NLK: variants seen among roughly 807,000 people sequenced by gnomAD.
NLK encodes nemo like kinase, also known as serine/threonine-protein kinase NLK.
Under a neutral mutation model 59.0 loss-of-function variants are expected in NLK, and 11 were observed. That is an observed-to-expected ratio of 0.19 (90% confidence interval 0.12 to 0.31). The LOEUF is 0.31. Among genes scored for constraint, NLK ranks in the 10% least tolerant of loss-of-function variants. NLK has a pLI of 1.00. For missense variants in NLK, 410 were observed against 661.1 expected, an observed-to-expected ratio of 0.62 and a Z score of 4.16; for synonymous variants, 235 against 235.9, an observed-to-expected ratio of 1.00 and a Z score of 0.03.
chr17:28,142,142 C>T lies in NLK; in HGVS notation c.644+9467C>T, dbSNP rs966161016. On this transcript the variant is annotated intron_variant, in intron 3 of 10. Coordinates refer to ENST00000407008, the MANE Select transcript of NLK (RefSeq NM_016231.5). ...ATGGTTATAGCCTTAGTGAAAAATA[C>T]TCATCTGACAGACCTTATGGACTGT... Among the ~76,000 whole-genome samples, 12 of 152,176 alleles carry T rather than the reference C, an allele frequency of 7.9e-5. 1 individual carries two copies. The highest frequency in any genetic ancestry group is 3.9e-4 in the Admixed American group (6 of 15,270).
intron 7 of NLK, among the ~76,000 whole-genome samples, chr17:28,175,222 G>C (rs879823914): frequency 1.3e-5 from 2 of 151,502 alleles, no homozygotes; most frequent in Non-Finnish European, 2.9e-5. Flanking sequence ...GAGGCAGGCG[G>C]ATCACGAGGT....
chr17:28,081,649 C>T (rs1371811009), intron 1 of NLK, among the ~76,000 whole-genome samples: 3 of 152,180 alleles, frequency 2.0e-5, no homozygotes, highest in Non-Finnish European at 2.9e-5. Flanking sequence ...GTTGTTAACC[C>T]TTCACATGGG....
chr17:28,201,112 C>T (rs1909617720), downstream of NLK, among the ~76,000 whole-genome samples: 1 of 152,210 alleles, frequency 6.6e-6, no homozygotes, highest in Non-Finnish European at 1.5e-5. Context: ...CAGGGTCTCC[C>T]TCTGTCGCCC....
chr17:28,116,590 GTTTTC>G (rs2142811262), intron 1 of NLK, among the ~76,000 whole-genome samples: 1 of 152,206 alleles, frequency 6.6e-6, no homozygotes, highest in Non-Finnish European at 1.5e-5. Flanking sequence ...TCAGAACAAA[GTTTTC>G]TTTTCTGATG....
At chr17:28,191,242 G>A in intron 9 of NLK, 23 bp downstream of exon 9, 1 of 1,570,866 alleles carries the variant, frequency 6.4e-7, no homozygotes, top group Non-Finnish European at 8.6e-7. Context: ...TTTGGCCTTT[G>A]GCCAGGCAAT....
rs534939564 is a variant in NLK, at chr17:28,098,128, C to T, written c.459-24475C>T. On this transcript the variant is annotated intron_variant, in intron 1 of 10. Coordinates refer to ENST00000407008, the MANE Select transcript of NLK (RefSeq NM_016231.5). Reference sequence around the variant, plus strand: ...CTGAGACCCAGATAATATAAACCTACGAAGTGTACACTAGAACCTTCTGTT... The same window carrying T: ...CTGAGACCCAGATAATATAAACCTATGAAGTGTACACTAGAACCTTCTGTT... 1.4e-4 allele frequency among the ~76,000 whole-genome samples: 22 copies of T among 152,234 alleles called. No individual in the cohort carries two copies. The South Asian group carries it at 2.5e-3, about 17-fold the overall frequency.
At chr17:28,190,595 T>C (rs1290587284) in intron 8 of NLK, among the ~76,000 whole-genome samples, 1 of 152,120 alleles carries the variant, frequency 6.6e-6, no homozygotes, top group African/African-American at 2.4e-5. Context: ...AATAAAAATT[T>C]CAAGCAACTT....
intron 1 of NLK, among the ~76,000 whole-genome samples, chr17:28,104,069 T>G (rs1283730344): frequency 6.6e-6 from 1 of 152,250 alleles, no homozygotes. Context: ...GTAGGGATTT[T>G]GAGATGTGGT....
chr17:28,086,500 G>A lies in NLK; in HGVS notation c.459-36103G>A, dbSNP rs186109600. 3.5e-3 allele frequency among the ~76,000 whole-genome samples: 527 copies of A among 152,032 alleles called. 2 individuals are homozygous for A. The highest frequency in any genetic ancestry group is 0.011 in the Admixed American group (166 of 15,254). ...TCTTTGCCTAAGATTAAGAGCTGAT[G>A]TATACTCACCAATGATGTATGAAAA... On this transcript the variant is annotated intron_variant, in intron 1 of 10. Coordinates refer to ENST00000407008, the MANE Select transcript of NLK (RefSeq NM_016231.5).
At chr17:28,141,297 G>T (rs1597705518) in intron 3 of NLK, among the ~76,000 whole-genome samples, 1 of 152,004 alleles carries the variant, frequency 6.6e-6, no homozygotes, top group African/African-American at 2.4e-5. Context: ...TGTTTATTTT[G>T]AATCTTCTCT....
intron 7 of NLK, among the ~76,000 whole-genome samples, chr17:28,173,431 A>C (rs1285512008): frequency 6.6e-6 from 1 of 152,148 alleles, no homozygotes; most frequent in Non-Finnish European, 1.5e-5. Flanking sequence ...TGTCAGCCAG[A>C]CATTTGCAAA....
At chr17:28,139,740 C>T (rs1394522912) in intron 3 of NLK, among the ~76,000 whole-genome samples, 1 of 152,148 alleles carries the variant, frequency 6.6e-6, no homozygotes, top group Non-Finnish European at 1.5e-5. Context: ...ACTTGTCCAA[C>T]GTCACTTAGA....
intron 5 of NLK, among the ~76,000 whole-genome samples, chr17:28,164,918 T>C (rs2142051005): frequency 6.6e-6 from 1 of 152,310 alleles, no homozygotes; most frequent in East Asian, 1.9e-4. Flanking sequence ...TTATACTGCT[T>C]ATGAATGAAA....
intron 1 of NLK, among the ~76,000 whole-genome samples, chr17:28,101,443 C>T (rs1904898646): frequency 6.6e-6 from 1 of 152,184 alleles, no homozygotes; most frequent in South Asian, 2.1e-4. Flanking sequence ...TAGGTTGTCA[C>T]CAATTTCTCT....
intron 1 of NLK, among the ~76,000 whole-genome samples, chr17:28,087,075 GAGT>G (rs1910543793): frequency 6.6e-6 from 1 of 151,154 alleles, no homozygotes; most frequent in South Asian, 2.1e-4. Flanking sequence ...AGTTGATATT[GAGT>G]ATATGGCAAA....
At chr17:28,167,392 AC>A (rs1159317736) in intron 5 of NLK, among the ~76,000 whole-genome samples, 1 of 148,222 alleles carries the variant, frequency 6.7e-6, no homozygotes, top group African/African-American at 2.5e-5. Context: ...GCACACCACC[AC>A]GCCCAGCTTT....
chr17:28,090,934 T>C (rs1317559079), intron 1 of NLK, among the ~76,000 whole-genome samples: 2 of 152,200 alleles, frequency 1.3e-5, no homozygotes, highest in East Asian at 3.8e-4. Flanking sequence ...TTGATTGTGA[T>C]GTCTAAATGT....
At chr17:28,163,873 A>G (rs1012777724) in intron 5 of NLK, among the ~76,000 whole-genome samples, 2 of 152,244 alleles carry the variant, frequency 1.3e-5, no homozygotes, top group South Asian at 4.1e-4. Context: ...ACTAGAAAGA[A>G]GAATAGACAA....
rs182597235 is a variant in NLK at position 28,071,284 on chromosome 17, G to A, written c.458+27953G>A. On this transcript the variant is annotated intron_variant, in intron 1 of 10. Coordinates refer to ENST00000407008, the MANE Select transcript of NLK (RefSeq NM_016231.5). Reference sequence around the variant, plus strand: ...TTATTTTGGCTACTCTAGAAGCTTTGTGTTTTCATATCATTACAGAATTAG... The same window carrying A: ...TTATTTTGGCTACTCTAGAAGCTTTATGTTTTCATATCATTACAGAATTAG... Among the ~76,000 whole-genome samples the A allele has an allele frequency of 2.1e-3, 320 of 152,318 alleles. 5 individuals are homozygous for A. The highest frequency in any genetic ancestry group is 0.019 in the Admixed American group (293 of 15,298).
Sources: allele counts gnomAD v4.1 joint callset (sites outside exome capture counted in the v4.1 genomes callset), GRCh38; gene constraint gnomAD v4.1.1; transcripts MANE v1.5; gene names NCBI Gene and HGNC (gene_info 2026-07-23, HGNC 2026-07-21).